ADGRA2: variants seen among roughly 807,000 people sequenced by gnomAD.
ADGRA2 encodes adhesion G protein-coupled receptor A2, also known as G-protein coupled receptor 124.
A neutral mutation model predicts 98.7 loss-of-function variants in ADGRA2; 61 were observed. That is an observed-to-expected ratio of 0.62 (90% CI 0.50 to 0.76). The LOEUF is 0.76. Ranked by LOEUF, ADGRA2 falls within the 30% of genes least tolerant of loss-of-function variation. The pLI, the probability that ADGRA2 is intolerant of heterozygous loss-of-function variation, is 0.00. For missense variants in ADGRA2, 1,712 were observed against 1,860.0 expected (o/e 0.92, Z 1.46); for synonymous variants, 858 against 831.5 (o/e 1.03, Z -0.55).
intron 7 of ADGRA2, 135 bp downstream of exon 7, chr8:37,831,058 G>A: frequency 1.6e-6 from 1 of 644,112 alleles, no homozygotes; most frequent in Non-Finnish European, 2.7e-6. Flanking sequence ...GGAAAGACTG[G>A]ACTAAGTTAT....
At chr8:37,801,376 G>T (rs1232917877) in intron 1 of ADGRA2, among the ~76,000 whole-genome samples, 3 of 152,134 alleles carry the variant, frequency 2.0e-5, no homozygotes, top group Non-Finnish European at 4.4e-5. Context: ...AGCCTTTGTG[G>T]GCCTCCCCCA....
intron 2 of ADGRA2, among the ~76,000 whole-genome samples, chr8:37,820,715 T>A (rs1805102823): frequency 6.6e-6 from 1 of 152,258 alleles, no homozygotes; most frequent in East Asian, 1.9e-4. Flanking sequence ...TTGCATGGCC[T>A]CCTTGGCTGA....
In ADGRA2 at chr8:37,843,274, TACA is replaced by T. The variant is rs1158971410; in HGVS notation, c.*923_*925del. The T allele has an allele frequency of 6.6e-6, 1 of 152,210 alleles. No individual in the cohort carries two copies. The highest frequency in any genetic ancestry group is 1.9e-4 in the East Asian group (1 of 5,192). The allele number at this position is 152,210 out of a possible 1,614,324, so 9.4% of individuals were successfully genotyped here. ...AGACCCATCTCCCTAGTCTCAGCCT[TACA>T]ACACCACGGGACTAAGGAAGAGCAC... On this transcript the variant is annotated 3_prime_UTR_variant, in exon 19 of 19. Transcript: ENST00000412232.
At chr8:37,801,440 G>A (rs1431012531) in intron 1 of ADGRA2, among the ~76,000 whole-genome samples, 1 of 152,160 alleles carries the variant, frequency 6.6e-6, no homozygotes, top group African/African-American at 2.4e-5. Context: ...GGGTGTGGGA[G>A]GAAGGTGCAG....
chr8:37,814,150 A>G lies in ADGRA2; in HGVS notation c.267-746A>G, dbSNP rs1247037085. 6.6e-6 allele frequency among the ~76,000 whole-genome samples: 1 copy of G among 152,128 alleles called. No homozygotes were observed. The highest frequency in any genetic ancestry group is 2.4e-5 in the African/African-American group (1 of 41,426). The stretch of plus-strand genomic sequence containing the variant: ...CTCCCAGCAGGGAGCTTGGCAGAGA[A>G]AGGCTGAGTGGGTGGGCGGAGATGA... On this transcript the variant is annotated intron_variant, in intron 1 of 18. Transcript: ENST00000412232. This position sits in a 1 kb window ranked among gnomAD's most constrained non-coding sequence, Gnocchi z 4.3.
chr8:37,824,092 C>T (rs957418225), intron 2 of ADGRA2, among the ~76,000 whole-genome samples: 11 of 151,926 alleles, frequency 7.2e-5, no homozygotes, highest in African/African-American at 2.7e-4. Context: ...AGTGCAATGG[C>T]ATGGTCTCAG....
At position 37,844,096 on chromosome 8, in the gene ADGRA2, G is replaced by A. The variant is rs1805900228; in HGVS notation, c.*1741G>A. The stretch of plus-strand genomic sequence containing the variant: ...AGAATTCCCCAGTTCCCGCTCCTCT[G>A]AGGGTTGATACTGCTGGGAATGCCA... On this transcript the variant is annotated 3_prime_UTR_variant, in exon 19 of 19. Transcript: ENST00000412232. The A allele has an allele frequency of 4.7e-6, 1 of 212,092 alleles. No individual in the cohort carries two copies. The highest frequency in any genetic ancestry group is 2.3e-5 in the African/African-American group (1 of 44,338). 13.1% of individuals were successfully genotyped at this position (212,092 alleles called of 1,614,324 possible).
intron 1 of ADGRA2, among the ~76,000 whole-genome samples, chr8:37,799,590 A>G (rs2129882024): frequency 6.6e-6 from 1 of 152,204 alleles, no homozygotes; most frequent in African/African-American, 2.4e-5. Context: ...GCCATGGTTA[A>G]TTCCTATCCA....
In ADGRA2 at chr8:37,841,831, C is replaced by T; in HGVS notation, c.3493C>T (p.Arg1165Trp). The T allele has an allele frequency of 3.9e-6, 6 of 1,530,818 alleles. No homozygotes were observed. Among genetic ancestry groups the T allele is most frequent in the Non-Finnish European group, 4.4e-6 (5 of 1,144,430 alleles). 94.8% of individuals were successfully genotyped at this position (1,530,818 alleles called of 1,614,324 possible). Reference sequence around the variant, plus strand: ...AGGAGAGCCGGAGCCGGCGGGCACCCGGGGAAACCTCGCCCACCGCCACCC... The same window carrying T: ...AGGAGAGCCGGAGCCGGCGGGCACCTGGGGAAACCTCGCCCACCGCCACCC... ...GEGEPEPAGTRGNLAHRHPNN... is the reference protein window; with the variant it reads ...GEGEPEPAGTWGNLAHRHPNN... Residue 1165 changes from arginine (R) to tryptophan (W), a missense_variant, in exon 19 of 19, where the codon CGG becomes TGG. Coordinates refer to ENST00000412232, the MANE Select transcript of ADGRA2 (RefSeq NM_032777.10). This position sits in a 1 kb window ranked among gnomAD's most constrained non-coding sequence, Gnocchi z 5.0.
rs765450825 is a variant in ADGRA2, at chr8:37,840,252, C to T, written c.2643C>T (p.Pro881=). 2 of 1,612,584 alleles carry T rather than the reference C, an allele frequency of 1.2e-6. No individual in the cohort carries two copies. The highest frequency in any genetic ancestry group is 1.7e-6 in the Non-Finnish European group (2 of 1,179,958). ...PQEGDPALPT[P]SPMLRFYLIA... is the part of the protein sequence containing the mutation. The stretch of plus-strand genomic sequence containing the variant: ...AAGGGGACCCCGCTCTGCCTACTCC[C>T]AGTCCTATGCTCCGGTACATACTTT... The change falls in exon 17 of 19, where the codon CCC becomes CCT. Residue 881 remains proline, a synonymous_variant. Coordinates refer to ENST00000412232, the MANE Select transcript of ADGRA2 (RefSeq NM_032777.10).
chr8:37,836,097 A>ACACACACCC (rs1245868623), intron 13 of ADGRA2, among the ~76,000 whole-genome samples: 1 of 108,636 alleles, frequency 9.2e-6, no homozygotes, highest in African/African-American at 3.7e-5. Context: ...ACACACACAC[A>ACACACACCC]CCCCACAGGC....
At chr8:37,816,592 A>AC (rs1804987599) in intron 2 of ADGRA2, among the ~76,000 whole-genome samples, 1 of 135,874 alleles carries the variant, frequency 7.4e-6, no homozygotes, top group Non-Finnish European at 1.5e-5. Flanking sequence ...ACTCCGTCTC[A>AC]AACACACACA....
intron 13 of ADGRA2, 69 bp from the exon 14 acceptor site, chr8:37,837,662 G>A: frequency 1.5e-6 from 2 of 1,296,634 alleles, no homozygotes; most frequent in Admixed American, 3.9e-5. Flanking sequence ...TGCTGCTGCT[G>A]AGTCCCGGCT....
chr8:37,844,152 A>T lies in ADGRA2; in HGVS notation c.*1797A>T, dbSNP rs1805901290. The T allele has an allele frequency of 3.7e-6, 1 of 272,146 alleles. No individual in the cohort carries two copies. The highest frequency in any genetic ancestry group is 2.1e-5 in the African/African-American group (1 of 46,710). The allele number at this position is 272,146 out of a possible 1,614,324, so 16.9% of individuals were successfully genotyped here. A position where few individuals can be genotyped will look rare whatever the true frequency, so the allele number is the denominator to read the frequency against. On this transcript the variant is annotated 3_prime_UTR_variant, in exon 19 of 19. Transcript: ENST00000412232. ...TCCACAAGCAGAGGGAAGCCCCCTC[A>T]GGCCTGCAGGAGGAGCCGCAGCAGT... is the stretch of plus-strand genomic sequence containing the variant.
intron 9 of ADGRA2, among the ~76,000 whole-genome samples, 183 bp from the exon 10 acceptor site, chr8:37,833,505 G>C (rs1805518896): frequency 6.6e-6 from 1 of 152,244 alleles, no homozygotes; most frequent in South Asian, 2.1e-4. Context: ...GGTGCTGGCA[G>C]TGGTGGCCTT....
Position 37,819,400 on chromosome 8 carries a change from T to A in ADGRA2, c.338+4433T>A, listed in dbSNP as rs1041498260. Reference sequence around the variant, plus strand: ...ATTATTATTATTATTTGAGATGGAGTCTCGCTCTGTCACCAGGCTAAAGTG... The same window carrying A: ...ATTATTATTATTATTTGAGATGGAGACTCGCTCTGTCACCAGGCTAAAGTG... On this transcript the variant is annotated intron_variant, in intron 2 of 18. Transcript: ENST00000412232. Among the ~76,000 whole-genome samples the A allele has an allele frequency of 1.2e-4, 18 of 152,240 alleles. No individual in the cohort carries two copies. In the East Asian group the frequency reaches 3.3e-3, roughly 28 times the overall value.
chr8:37,840,391 G>C lies in ADGRA2; in HGVS notation c.2657+125G>C, dbSNP rs1440594599. On this transcript the variant is annotated intron_variant, in intron 17 of 18. Transcript: ENST00000412232. ...GAGATCACTCTCCAAAGACGGGGGAGGCTAGGCCCTAGACTCAGCAGGTCA... is the reference window on the plus strand; with the variant it reads ...GAGATCACTCTCCAAAGACGGGGGACGCTAGGCCCTAGACTCAGCAGGTCA... 5 of 995,894 alleles carry C rather than the reference G, an allele frequency of 5.0e-6. No individual in the cohort carries two copies. In the Admixed American group the frequency reaches 7.2e-5, roughly 14 times the overall value. 61.7% of individuals were successfully genotyped at this position (995,894 alleles called of 1,614,324 possible). A position where few individuals can be genotyped will look rare whatever the true frequency, so the allele number is the denominator to read the frequency against.
At chr8:37,840,691 G>A in intron 17 of ADGRA2, 69 bp from the exon 18 acceptor site, 1 of 827,784 alleles carries the variant, frequency 1.2e-6, no homozygotes, top group Non-Finnish European at 2.1e-6. Flanking sequence ...CAAGCAAAGG[G>A]CTCTAAGCAC....
chr8:37,839,347 A>G, intron 15 of ADGRA2, 152 bp from the exon 16 acceptor site: 7 of 1,415,380 alleles, frequency 4.9e-6, no homozygotes, highest in Non-Finnish European at 5.7e-6. Context: ...TTGAGGGGTT[A>G]AGGACTCCCT....
Sources: gnomAD v4.1 joint callset for allele counts (sites outside exome capture counted in the v4.1 genomes callset) on GRCh38, gnomAD v4.1.1 for gene constraint, Gnocchi (gnomAD v3.1) non-coding constraint, MANE v1.5 for transcripts, NCBI Gene and HGNC (gene_info 2026-07-23, HGNC 2026-07-21) for gene names.